CRACD: variants seen among roughly 807,000 people sequenced by gnomAD.
The protein encoded by CRACD is capping protein-inhibiting regulator of actin dynamics.
Under a neutral mutation model 106.8 loss-of-function variants are expected in CRACD, and 56 were observed. That is an observed-to-expected ratio of 0.52 (90% confidence interval 0.42 to 0.66). The LOEUF (loss-of-function observed/expected upper bound fraction) is 0.66, where lower values mean the gene tolerates loss of function less well. Ranked by LOEUF, CRACD falls within the 30% of genes least tolerant of loss-of-function variation. CRACD has a pLI of 0.00. For missense variants in CRACD, 1,730 were observed against 1,623.2 expected (o/e 1.07, Z -1.13); for synonymous variants, 754 against 670.8 (o/e 1.12, Z -1.92).
intron 1 of CRACD, among the ~76,000 whole-genome samples, chr4:56,157,424 G>A (rs1423651381): frequency 1.3e-5 from 2 of 152,150 alleles, no homozygotes; most frequent in African/African-American, 4.8e-5. Context: ...CTAATATCTA[G>A]TAGAAGATCA....
At chr4:56,144,888 A>G (rs556361790) in intron 1 of CRACD, among the ~76,000 whole-genome samples, 3 of 152,196 alleles carry the variant, frequency 2.0e-5, no homozygotes, top group Non-Finnish European at 4.4e-5. Flanking sequence ...TCCTGAGCTC[A>G]AGTGATCCAC....
chr4:56,057,445 G>C (rs1037114988), intron 1 of CRACD, among the ~76,000 whole-genome samples: 62 of 152,260 alleles, frequency 4.1e-4, no homozygotes, highest in African/African-American at 1.5e-3. Flanking sequence ...CTAGTGGAGG[G>C]CTTTGTTTAT....
intron 2 of CRACD, among the ~76,000 whole-genome samples, chr4:56,197,529 A>G (rs1434405103): frequency 4.6e-5 from 7 of 151,980 alleles, no homozygotes; most frequent in Non-Finnish European, 7.4e-5. Context: ...CACATCACCA[A>G]CACACACCCT....
intron 5 of CRACD, 108 bp downstream of exon 5, chr4:56,307,807 C>A: frequency 8.9e-7 from 1 of 1,119,954 alleles, no homozygotes; most frequent in Non-Finnish European, 1.3e-6. Context: ...AGGAGCTTTT[C>A]TCATGAGTAG....
intron 1 of CRACD, among the ~76,000 whole-genome samples, chr4:56,148,957 A>G (rs1735489636): frequency 6.6e-6 from 1 of 151,924 alleles, no homozygotes; most frequent in Admixed American, 6.6e-5. Flanking sequence ...CTGGGATTAC[A>G]GGCGCCTGCC....
At chr4:56,198,354 T>C (rs560764119) in intron 2 of CRACD, among the ~76,000 whole-genome samples, 1 of 152,328 alleles carries the variant, frequency 6.6e-6, no homozygotes, top group African/African-American at 2.4e-5. Flanking sequence ...GTCTTTGAAG[T>C]TGGCTCTAGC....
intron 3 of CRACD, among the ~76,000 whole-genome samples, chr4:56,285,487 C>T (rs930674651): frequency 2.6e-5 from 4 of 151,952 alleles, no homozygotes; most frequent in Non-Finnish European, 2.9e-5. Context: ...TCACAAAGGC[C>T]GGAGTGCAGT....
intron 2 of CRACD, among the ~76,000 whole-genome samples, chr4:56,233,433 T>C (rs895254189): frequency 6.6e-6 from 1 of 152,150 alleles, no homozygotes; most frequent in South Asian, 2.1e-4. Flanking sequence ...TTAACCATCA[T>C]TTGTTGAAAA....
chr4:56,219,761 T>TAA (rs747096271), intron 2 of CRACD, among the ~76,000 whole-genome samples: 2 of 152,170 alleles, frequency 1.3e-5, no homozygotes, highest in Non-Finnish European at 2.9e-5. Context: ...GAGCATTGGG[T>TAA]CACTAGGTGA....
chr4:56,166,501 T>C (rs922883839), intron 1 of CRACD, among the ~76,000 whole-genome samples: 7 of 151,816 alleles, frequency 4.6e-5, no homozygotes, highest in African/African-American at 1.5e-4. Context: ...CCCAACATGG[T>C]GAAACCCCGT....
At chr4:56,208,004 A>G (rs1342853384) in intron 2 of CRACD, among the ~76,000 whole-genome samples, 1 of 148,528 alleles carries the variant, frequency 6.7e-6, no homozygotes, top group Non-Finnish European at 1.5e-5. Context: ...TTTTTTTTAG[A>G]GATGAGGGTC....
chr4:56,204,169 C>T (rs73160405), intron 2 of CRACD, among the ~76,000 whole-genome samples: 197 of 152,326 alleles, frequency 1.3e-3, no homozygotes, highest in African/African-American at 3.9e-3. Context: ...CCCACACAAT[C>T]GCCTTGAGCA....
intron 2 of CRACD, among the ~76,000 whole-genome samples, chr4:56,259,923 A>G (rs780391226): frequency 2.6e-5 from 4 of 152,204 alleles, no homozygotes; most frequent in Non-Finnish European, 5.9e-5. Flanking sequence ...ATAAAATGCA[A>G]TGGAAAACCA....
rs537272222 is a variant in CRACD, at chr4:56,057,782, C to T, written c.-336+8483C>T. Among the ~76,000 whole-genome samples, 454 of 147,660 alleles carry T rather than the reference C, an allele frequency of 3.1e-3. 7 individuals carry two copies. Among genetic ancestry groups the T allele is most frequent in the Non-Finnish European group, 4.3e-3 (288 of 67,038 alleles). On this transcript the variant is annotated intron_variant, in intron 1 of 10. Transcript: ENST00000682029. Reference sequence around the variant, plus strand: ...GGGATTACAGGTGTGCGCCACCACACCTGGCTCATTTTTTGTATTTTTTTT... The same window carrying T: ...GGGATTACAGGTGTGCGCCACCACATCTGGCTCATTTTTTGTATTTTTTTT...
chr4:56,293,893 A>T (rs753765370), intron 3 of CRACD, among the ~76,000 whole-genome samples: 3 of 151,108 alleles, frequency 2.0e-5, no homozygotes, highest in Non-Finnish European at 4.4e-5. Context: ...CTTTTCAAAG[A>T]TGCAGTAATA....
At chr4:56,255,669 T>C (rs1450484341) in intron 2 of CRACD, among the ~76,000 whole-genome samples, 1 of 152,126 alleles carries the variant, frequency 6.6e-6, no homozygotes, top group Non-Finnish European at 1.5e-5. Context: ...GGGCCATCCA[T>C]GTCAGTGAAA....
rs58423475 is a variant in CRACD, at chr4:56,207,745, CATATATATATATATATATAT to C, written c.-189+28330_-189+28349del. On this transcript the variant is annotated intron_variant, in intron 2 of 10. Coordinates refer to ENST00000682029, the MANE Select transcript of CRACD (RefSeq NM_001393381.1). ...GATACATTTTTAAAACTTGTTTTCT[CATATATATATATATATATAT>C]ATATATATATATATGCTTATTTTAT... 3.3e-3 allele frequency among the ~76,000 whole-genome samples: 348 copies of C among 106,174 alleles called. 4 individuals are homozygous for C. The highest frequency in any genetic ancestry group is 0.013 in the African/African-American group (325 of 25,190). The allele number at this position is 106,174 out of a possible 152,430, so 69.7% of individuals were successfully genotyped here.
At chr4:56,252,970 T>C (rs1243735258) in intron 2 of CRACD, among the ~76,000 whole-genome samples, 3 of 152,186 alleles carry the variant, frequency 2.0e-5, no homozygotes, top group African/African-American at 7.2e-5. Flanking sequence ...AGCTTTGAGG[T>C]TCACATGTTA....
intron 2 of CRACD, among the ~76,000 whole-genome samples, chr4:56,248,699 A>T (rs545276648): frequency 6.8e-6 from 1 of 146,384 alleles, no homozygotes; most frequent in Non-Finnish European, 1.5e-5. Flanking sequence ...AGCATTAGGT[A>T]TATCTCCCAA....
Sources: allele counts gnomAD v4.1 joint callset (sites outside exome capture counted in the v4.1 genomes callset), GRCh38; gene constraint gnomAD v4.1.1; transcripts MANE v1.5; gene names NCBI Gene and HGNC (gene_info 2026-07-23, HGNC 2026-07-21).